PPP2R2C: variants seen among roughly 807,000 people sequenced by gnomAD.
PPP2R2C encodes protein phosphatase 2, regulatory subunit B, gamma.
A neutral mutation model predicts 45.3 loss-of-function variants in PPP2R2C; 10 were observed. That is an observed-to-expected ratio of 0.22 (90% CI 0.14 to 0.37). PPP2R2C has a LOEUF of 0.37. PPP2R2C is among the 10% of genes least tolerant of loss of function. The pLI is 1.00. For synonymous variants in PPP2R2C, 257 were observed against 245.4 expected, an observed-to-expected ratio of 1.05 and a Z score of -0.44; for missense variants, 308 against 619.7, an observed-to-expected ratio of 0.50 and a Z score of 5.34.
chr4:6,457,207 C>CAAAAAAAAAAAAAA (rs34145628), intron 1 of PPP2R2C, among the ~76,000 whole-genome samples: 9 of 88,806 alleles, frequency 1.0e-4, no homozygotes, highest in East Asian at 3.1e-4. Context: ...GACTCCATCT[C>CAAAAAAAAAAAAAA]AAAAAAAAAA....
At chr4:6,441,827 C>T (rs1720170362) in intron 1 of PPP2R2C, among the ~76,000 whole-genome samples, 1 of 152,218 alleles carries the variant, frequency 6.6e-6, no homozygotes, top group Non-Finnish European at 1.5e-5. Flanking sequence ...CAAGCACTGA[C>T]CCTTGAGTCT....
chr4:6,344,245 C>A (rs1476177351), intron 6 of PPP2R2C, among the ~76,000 whole-genome samples: 1 of 152,216 alleles, frequency 6.6e-6, no homozygotes, highest in African/African-American at 2.4e-5. Context: ...TAAAAGTTAA[C>A]GTTCACTGCA....
At chr4:6,402,603 G>T (rs1160703544) in intron 1 of PPP2R2C, among the ~76,000 whole-genome samples, 1 of 152,234 alleles carries the variant, frequency 6.6e-6, no homozygotes, top group East Asian at 1.9e-4. Flanking sequence ...GGGACATGGA[G>T]CGGCTTCTGC....
intron 1 of PPP2R2C, among the ~76,000 whole-genome samples, chr4:6,449,032 G>T (rs938051377): frequency 6.6e-5 from 10 of 152,202 alleles, no homozygotes; most frequent in South Asian, 2.1e-4. Flanking sequence ...CGGCTGCATG[G>T]CTGGCAGGCA....
intron 2 of PPP2R2C, among the ~76,000 whole-genome samples, chr4:6,528,521 G>A (rs1373025703): frequency 9.6e-6 from 1 of 104,068 alleles, no homozygotes; most frequent in Non-Finnish European, 1.9e-5. Flanking sequence ...TCTGACCCTG[G>A]CGTCTGAGAG....
intron 1 of PPP2R2C, among the ~76,000 whole-genome samples, chr4:6,467,741 G>C (rs1487437435): frequency 6.6e-6 from 1 of 152,166 alleles, no homozygotes; most frequent in Non-Finnish European, 1.5e-5. Context: ...ACAACGAAAA[G>C]GAAAAGTAAC....
chr4:6,504,887 A>G (rs929022852), intron 2 of PPP2R2C, among the ~76,000 whole-genome samples: 3 of 152,338 alleles, frequency 2.0e-5, no homozygotes, highest in Non-Finnish European at 4.4e-5. Flanking sequence ...AAGTATAACA[A>G]TGGCTGAAAA....
chr4:6,378,597 C>T lies in PPP2R2C; in HGVS notation c.169-25G>A, dbSNP rs200141663. On this transcript the variant is annotated intron_variant, in intron 2 of 8. Transcript: ENST00000382599. This position sits in a 1 kb window ranked among gnomAD's most constrained non-coding sequence, Gnocchi z 5.2. The stretch of plus-strand genomic sequence containing the variant: ...TCTGCAGGGAAACCCGGAGAAGGGG[C>T]CTGAGCACCGTGACCTGCAGGGCGA... 1.9e-6 allele frequency: 3 copies of T among 1,601,758 alleles called. No homozygotes were observed. In the East Asian group the frequency reaches 6.7e-5, roughly 36 times the overall value.
chr4:6,522,661 G>A (rs1724063946), intron 2 of PPP2R2C, among the ~76,000 whole-genome samples: 1 of 152,278 alleles, frequency 6.6e-6, no homozygotes, highest in African/African-American at 2.4e-5. Context: ...TGAGCACCCA[G>A]AAGTGGCCAC....
At chr4:6,426,406 G>A (rs531098056) in intron 1 of PPP2R2C, among the ~76,000 whole-genome samples, 15 of 152,308 alleles carry the variant, frequency 9.8e-5, no homozygotes, top group South Asian at 6.2e-4. Flanking sequence ...CTCCAGGGTG[G>A]GACTAGGGAT....
chr4:6,359,277 T>C (rs950872823), intron 5 of PPP2R2C, among the ~76,000 whole-genome samples: 1 of 152,094 alleles, frequency 6.6e-6, no homozygotes, highest in Admixed American at 6.5e-5. Flanking sequence ...TTCTCACTCA[T>C]AGGTGGGAAG....
At chr4:6,539,668 T>C (rs1724743940) in intron 1 of PPP2R2C, among the ~76,000 whole-genome samples, 1 of 152,152 alleles carries the variant, frequency 6.6e-6, no homozygotes, top group Non-Finnish European at 1.5e-5. Context: ...GACCAGGCAG[T>C]GGTCAAGGGT....
At chr4:6,501,955 T>C (rs1421827815) in intron 2 of PPP2R2C, among the ~76,000 whole-genome samples, 1 of 152,058 alleles carries the variant, frequency 6.6e-6, no homozygotes, top group Non-Finnish European at 1.5e-5. Flanking sequence ...GCTGAACAAA[T>C]AAATGAAGAA....
chr4:6,496,715 G>A (rs1195834599), intron 2 of PPP2R2C, among the ~76,000 whole-genome samples: 1 of 152,054 alleles, frequency 6.6e-6, no homozygotes. Flanking sequence ...CAAAAAATTA[G>A]CCAGGTGTGG....
At chr4:6,530,871 G>T (rs77918773) in intron 2 of PPP2R2C, among the ~76,000 whole-genome samples, 9,784 of 152,284 alleles carry the variant, frequency 0.064, 427 homozygotes, top group South Asian at 0.2. Flanking sequence ...GGCGCATAGG[G>T]TGGTTCTCCA....
intron 1 of PPP2R2C, among the ~76,000 whole-genome samples, chr4:6,400,565 C>G (rs989440969): frequency 6.6e-6 from 1 of 152,136 alleles, no homozygotes; most frequent in African/African-American, 2.4e-5. Context: ...AACCATTGCC[C>G]TAAAAGTACA....
At chr4:6,377,952 G>A (rs1002236399) in intron 3 of PPP2R2C, among the ~76,000 whole-genome samples, 6 of 152,228 alleles carry the variant, frequency 3.9e-5, no homozygotes, top group Admixed American at 6.5e-5. Context: ...GCAAGGCCGC[G>A]GTGACAGCCC....
At chr4:6,379,377 C>T (rs1272118365) in intron 2 of PPP2R2C, among the ~76,000 whole-genome samples, 3 of 152,192 alleles carry the variant, frequency 2.0e-5, no homozygotes, top group African/African-American at 7.2e-5. Flanking sequence ...CGGAGACATT[C>T]AACCCAGAAC....
intron 2 of PPP2R2C, among the ~76,000 whole-genome samples, chr4:6,530,877 C>T (rs1230475773): frequency 1.3e-5 from 2 of 152,236 alleles, no homozygotes; most frequent in Non-Finnish European, 2.9e-5. Context: ...TAGGGTGGTT[C>T]TCCACCAGGC....
Sources: allele counts gnomAD v4.1 joint callset (sites outside exome capture counted in the v4.1 genomes callset), GRCh38; gene constraint gnomAD v4.1.1; non-coding constraint Gnocchi (gnomAD v3.1); transcripts MANE v1.5; gene names NCBI Gene and HGNC (gene_info 2026-07-23, HGNC 2026-07-21).